Variants in GRM8 observed in about 807,000 individuals in gnomAD.
GRM8 encodes metabotropic glutamate receptor 8.
A neutral mutation model predicts 87.2 loss-of-function variants in GRM8; 47 were observed. The ratio of observed to expected loss-of-function variants is 0.54; its 90% CI spans 0.43 to 0.69. GRM8 has a LOEUF of 0.69. Ranked by LOEUF, GRM8 falls within the 30% of genes least tolerant of loss-of-function variation. The probability of loss-of-function intolerance (pLI) is 0.00; values close to 1 mark genes in which losing one functional copy is unlikely to be tolerated. For synonymous variants in GRM8, 396 were observed against 404.5 expected, an observed-to-expected ratio of 0.98 and a Z score of 0.25; for missense variants, 1,019 against 1,139.2, an observed-to-expected ratio of 0.89 and a Z score of 1.52.
intron 7 of GRM8, among the ~76,000 whole-genome samples, chr7:126,713,890 A>G (rs901794624): frequency 6.6e-6 from 1 of 151,950 alleles, no homozygotes; most frequent in African/African-American, 2.4e-5. Flanking sequence ...AATATATTCA[A>G]TCTTTCTTAA....
At chr7:126,590,966 A>G (rs892192307) in intron 8 of GRM8, among the ~76,000 whole-genome samples, 2 of 150,800 alleles carry the variant, frequency 1.3e-5, no homozygotes, top group African/African-American at 4.9e-5. Flanking sequence ...AACACCATAA[A>G]TTTTTTTTTT....
chr7:126,765,346 C>T (rs999295654), intron 7 of GRM8, among the ~76,000 whole-genome samples: 1 of 152,002 alleles, frequency 6.6e-6, no homozygotes, highest in Non-Finnish European at 1.5e-5. Flanking sequence ...ATGCGGTTTC[C>T]TGATGCACAT....
At chr7:126,853,991 C>T (rs1485928317) in intron 6 of GRM8, among the ~76,000 whole-genome samples, 1 of 152,106 alleles carries the variant, frequency 6.6e-6, no homozygotes. Context: ...GAAGGAGGCT[C>T]ACAGCTGTAA....
At chr7:126,738,167 A>G (rs1035670894) in intron 7 of GRM8, among the ~76,000 whole-genome samples, 2 of 152,104 alleles carry the variant, frequency 1.3e-5, no homozygotes, top group African/African-American at 4.8e-5. Context: ...TACAAAGACA[A>G]TAAGAACCTT....
intron 6 of GRM8, among the ~76,000 whole-genome samples, chr7:126,805,948 G>A (rs1409673026): frequency 6.6e-6 from 1 of 152,140 alleles, no homozygotes; most frequent in Admixed American, 6.5e-5. Flanking sequence ...AACAAAACTG[G>A]ACGAGGTCTT....
At chr7:127,022,564 C>T (rs1014884562) in intron 3 of GRM8, among the ~76,000 whole-genome samples, 5 of 151,846 alleles carry the variant, frequency 3.3e-5, no homozygotes, top group East Asian at 3.9e-4. Flanking sequence ...TAAGGGATTT[C>T]GCTTCAGGCC....
At chr7:126,917,749 C>A (rs1319506471) in intron 3 of GRM8, among the ~76,000 whole-genome samples, 1 of 152,130 alleles carries the variant, frequency 6.6e-6, no homozygotes, top group Non-Finnish European at 1.5e-5. Context: ...TAATTAAATA[C>A]AACATCAACA....
intron 7 of GRM8, among the ~76,000 whole-genome samples, chr7:126,745,007 G>A (rs1282704746): frequency 6.6e-6 from 1 of 151,686 alleles, no homozygotes; most frequent in African/African-American, 2.4e-5. Context: ...ATTTTAAAAT[G>A]AATCAAACAC....
chr7:127,225,359 T>C (rs548923260), intron 2 of GRM8, among the ~76,000 whole-genome samples: 1 of 152,332 alleles, frequency 6.6e-6, no homozygotes, highest in East Asian at 1.9e-4. Flanking sequence ...AAGTGGCTCC[T>C]TGTCAAGGCT....
chr7:126,802,150 T>G lies in GRM8; in HGVS notation c.1157-32085A>C, dbSNP rs548457895. 3.9e-5 allele frequency among the ~76,000 whole-genome samples: 6 copies of G among 152,320 alleles called. No individual in the cohort carries two copies. In the East Asian group the frequency reaches 1.2e-3, roughly 29 times the overall value. On this transcript the variant is annotated intron_variant, in intron 6 of 10. Coordinates refer to ENST00000339582, the MANE Select transcript of GRM8 (RefSeq NM_000845.3). ...TGGCTAAATGAAGCTATTTCACACATGCGTTACCTCACATATGTATGTCTT... is the reference window on the plus strand; with the variant it reads ...TGGCTAAATGAAGCTATTTCACACAGGCGTTACCTCACATATGTATGTCTT...
intron 3 of GRM8, among the ~76,000 whole-genome samples, chr7:127,046,621 T>C (rs1462433983): frequency 6.6e-6 from 1 of 152,210 alleles, no homozygotes. Context: ...TAAATGCAAA[T>C]GTTAGCTTTT....
intron 7 of GRM8, among the ~76,000 whole-genome samples, chr7:126,726,235 A>G (rs1309982403): frequency 2.0e-5 from 3 of 151,478 alleles, no homozygotes; most frequent in Non-Finnish European, 4.4e-5. Context: ...AAAAAAACGT[A>G]GAGGATAGGG....
intron 3 of GRM8, among the ~76,000 whole-genome samples, chr7:126,995,936 A>G (rs1302749302): frequency 6.6e-6 from 1 of 152,086 alleles, no homozygotes; most frequent in Non-Finnish European, 1.5e-5. Context: ...ATTCAAAGAT[A>G]AAGAATCCTA....
At chr7:127,230,613 A>G (rs1157038516) in intron 2 of GRM8, among the ~76,000 whole-genome samples, 2 of 152,168 alleles carry the variant, frequency 1.3e-5, no homozygotes, top group Admixed American at 6.5e-5. Context: ...TAAAGATGGC[A>G]TCTTTAAGAG....
chr7:126,508,885 T>C (rs977671497), intron 9 of GRM8, among the ~76,000 whole-genome samples: 2 of 152,104 alleles, frequency 1.3e-5, no homozygotes, highest in Non-Finnish European at 2.9e-5. Flanking sequence ...AAATCAGTAC[T>C]GTTAGTAGAT....
chr7:126,636,771 G>T (rs1237076709), intron 7 of GRM8, among the ~76,000 whole-genome samples: 1 of 151,800 alleles, frequency 6.6e-6, no homozygotes, highest in Non-Finnish European at 1.5e-5. Flanking sequence ...CACAAAATAG[G>T]AATTTTTATA....
intron 7 of GRM8, among the ~76,000 whole-genome samples, chr7:126,618,258 C>G (rs370460228): frequency 6.6e-6 from 1 of 151,954 alleles, no homozygotes; most frequent in South Asian, 2.1e-4. Context: ...ACAAACCTGA[C>G]AAAAACAAGA....
intron 3 of GRM8, among the ~76,000 whole-genome samples, chr7:126,941,741 T>C (rs1334677847): frequency 1.3e-5 from 2 of 152,138 alleles, no homozygotes; most frequent in African/African-American, 4.8e-5. Flanking sequence ...AATGCAACCG[T>C]GGTTGCAGAA....
chr7:127,189,810 CT>C (rs1341272892), intron 2 of GRM8, among the ~76,000 whole-genome samples: 1 of 152,086 alleles, frequency 6.6e-6, no homozygotes, highest in African/African-American at 2.4e-5. Flanking sequence ...TTAGGAGAAC[CT>C]TTTGAAAGAA....
Sources: allele counts gnomAD v4.1 joint callset (sites outside exome capture counted in the v4.1 genomes callset), GRCh38; gene constraint gnomAD v4.1.1; transcripts MANE v1.5; gene names NCBI Gene and HGNC (gene_info 2026-07-23, HGNC 2026-07-21).